The following NOS1 variants were observed in gnomAD, a reference collection of about 807,000 sequenced individuals.
NOS1 encodes the protein nitric oxide synthase 1, also known as NOS type I.
Under a neutral mutation model 164.5 loss-of-function variants are expected in NOS1, and 51 were observed. That is an observed-to-expected ratio of 0.31 (90% CI 0.25 to 0.39). The LOEUF is 0.39. Among genes scored for constraint, NOS1 ranks in the 10% least tolerant of loss-of-function variants. The pLI, the probability that NOS1 is intolerant of heterozygous loss-of-function variation, is 1.00. For synonymous variants in NOS1, 719 were observed against 745.8 expected (o/e 0.96, Z 0.59); for missense variants, 1,362 against 1,885.6 (o/e 0.72, Z 5.14).
chr12:117,247,322 C>T, intron 18 of NOS1, 26 bp downstream of exon 18: 3 of 1,554,468 alleles, frequency 1.9e-6, no homozygotes, highest in East Asian at 2.3e-5. Context: ...TTACTTTTTC[C>T]TGTAGGTCCA....
At chr12:117,348,881 G>A (rs540634583) in intron 1 of NOS1, among the ~76,000 whole-genome samples, 1 of 152,332 alleles carries the variant, frequency 6.6e-6, no homozygotes, top group East Asian at 1.9e-4. Flanking sequence ...AACCGAAACA[G>A]CACAGTAGCG....
intron 26 of NOS1, among the ~76,000 whole-genome samples, chr12:117,221,439 G>A (rs1421933736): frequency 1.3e-5 from 2 of 148,828 alleles, no homozygotes; most frequent in Admixed American, 1.3e-4. Flanking sequence ...ATGTGCCACC[G>A]CGCCCAGCTA....
At chr12:117,343,656 T>C (rs1337574433) in intron 1 of NOS1, among the ~76,000 whole-genome samples, 1 of 152,168 alleles carries the variant, frequency 6.6e-6, no homozygotes, top group African/African-American at 2.4e-5. Context: ...ATAATGACAA[T>C]GTTGAATGTT....
chr12:117,345,449 G>A (rs908888186), intron 1 of NOS1, among the ~76,000 whole-genome samples: 11 of 152,164 alleles, frequency 7.2e-5, no homozygotes, highest in Non-Finnish European at 8.8e-5. Context: ...CCTGAGGATC[G>A]ATAACAGGGT....
rs61594331 is a variant in NOS1, at chr12:117,283,058, T to TA, written c.1382+2182_1382+2183insT. Among the ~76,000 whole-genome samples the TA allele has an allele frequency of 9.7e-3, 291 of 29,886 alleles. 2 individuals are homozygous for TA. The East Asian group carries it at 0.14, about 14-fold the overall frequency. The allele number at this position is 29,886 out of a possible 152,430, so 19.6% of individuals were successfully genotyped here. A position where few individuals can be genotyped will look rare whatever the true frequency, so the allele number is the denominator to read the frequency against. On this transcript the variant is annotated intron_variant, in intron 7 of 28. Coordinates refer to ENST00000317775, the MANE Select transcript of NOS1 (RefSeq NM_000620.5). Reference sequence around the variant, plus strand: ...ACATTATATATATATATATATATATTTTTTTTTTTTTTTTTGAGACAGTCT... The same window carrying TA: ...ACATTATATATATATATATATATATTATTTTTTTTTTTTTTTGAGACAGTCT...
intron 3 of NOS1, among the ~76,000 whole-genome samples, chr12:117,300,856 C>A (rs968812524): frequency 6.6e-6 from 1 of 152,028 alleles, no homozygotes; most frequent in Non-Finnish European, 1.5e-5. Flanking sequence ...TCAAATGCTT[C>A]GAGAGAGACT....
intron 24 of NOS1, 144 bp from the exon 25 acceptor site, chr12:117,225,281 C>T (rs975714302): frequency 1.9e-5 from 21 of 1,089,480 alleles, no homozygotes; most frequent in Middle Eastern, 5.3e-4. Context: ...TGCCCCTTTC[C>T]AGGGTGGGAG....
intron 9 of NOS1, 131 bp downstream of exon 9, chr12:117,277,828 G>A: frequency 1.7e-6 from 2 of 1,144,292 alleles, no homozygotes; most frequent in Non-Finnish European, 1.2e-6. Context: ...GTGAGGACAG[G>A]AACCAAGCCC....
intron 20 of NOS1, among the ~76,000 whole-genome samples, chr12:117,237,519 G>A (rs1054623613): frequency 6.6e-6 from 1 of 152,116 alleles, no homozygotes; most frequent in Admixed American, 6.6e-5. Flanking sequence ...AACAGCAGCA[G>A]CCATTTGGGC....
rs1261171135 is a variant in NOS1, at chr12:117,214,661, TG to T, written c.*647del. 2.0e-6 allele frequency: 2 copies of T among 985,426 alleles called. No homozygotes were observed. The highest frequency in any genetic ancestry group is 3.5e-5 in the African/African-American group (2 of 57,348). The allele number at this position is 985,426 out of a possible 1,614,324, so 61.0% of individuals were successfully genotyped here. On this transcript the variant is annotated 3_prime_UTR_variant, in exon 29 of 29. Coordinates refer to ENST00000317775, the MANE Select transcript of NOS1 (RefSeq NM_000620.5). ...GAACCCTTTCTAACTAGAACAATTA[TG>T]GGGCTTCCAAATGTTTCAGGTACAT...
At chr12:117,320,841 A>G (rs1355480425) in intron 2 of NOS1, among the ~76,000 whole-genome samples, 1 of 152,058 alleles carries the variant, frequency 6.6e-6, no homozygotes, top group Non-Finnish European at 1.5e-5. Context: ...CCTTCCCTAG[A>G]TGTCACATGG....
Position 117,208,366 on chromosome 12 carries a change from G to C in NOS1, c.*6943C>G, listed in dbSNP as rs898217343. On this transcript the variant is annotated 3_prime_UTR_variant, in exon 29 of 29. Coordinates refer to ENST00000317775, the MANE Select transcript of NOS1 (RefSeq NM_000620.5). ...TAGCAGCATTGAGAGCTCAGAGGTA[G>C]GGGGGACGGCCGAGTTTCTGACAGC... The C allele has an allele frequency of 7.9e-7, 1 of 1,270,688 alleles. No individual in the cohort carries two copies. 78.7% of individuals were successfully genotyped at this position (1,270,688 alleles called of 1,614,324 possible).
intron 4 of NOS1, among the ~76,000 whole-genome samples, chr12:117,289,704 G>C (rs1007000849): frequency 1.4e-4 from 21 of 152,164 alleles, no homozygotes; most frequent in African/African-American, 4.8e-4. Flanking sequence ...AAGGGTTTAG[G>C]GTGGTAGAGC....
chr12:117,269,552 C>T lies in NOS1; in HGVS notation c.1840-1408G>A, dbSNP rs775005868. 3.4e-5 allele frequency among the ~76,000 whole-genome samples: 5 copies of T among 149,100 alleles called. 1 individual carries two copies. Among genetic ancestry groups the T allele is most frequent in the South Asian group, 4.3e-4 (2 of 4,690 alleles). ...CGTGATCTCGGCTCACTGCAACCTC[C>T]GCTTCCTGGGTTTAAGTGATTCTCC... On this transcript the variant is annotated intron_variant, in intron 10 of 28. Transcript: ENST00000317775.
chr12:117,303,719 C>T (rs1873974159), intron 3 of NOS1, among the ~76,000 whole-genome samples: 1 of 152,110 alleles, frequency 6.6e-6, no homozygotes, highest in African/African-American at 2.4e-5. Context: ...CTTAGGAAGG[C>T]AAACCAGACA....
intron 25 of NOS1, 71 bp downstream of exon 25, chr12:117,224,945 G>A: frequency 6.3e-7 from 1 of 1,598,768 alleles, no homozygotes. Flanking sequence ...GTTCTCTAGG[G>A]CTGCTGAGAC....
chr12:117,267,587 C>CAA (rs59643665), intron 11 of NOS1, among the ~76,000 whole-genome samples: 1 of 139,536 alleles, frequency 7.2e-6, no homozygotes, highest in African/African-American at 2.6e-5. Context: ...AACTCCATCT[C>CAA]AAAAAAAAAA....
At chr12:117,301,630 T>G (rs1873818953) in intron 3 of NOS1, among the ~76,000 whole-genome samples, 1 of 152,120 alleles carries the variant, frequency 6.6e-6, no homozygotes, top group African/African-American at 2.4e-5. Context: ...GCCCTCAAAG[T>G]TCCCCTCTTT....
chr12:117,311,194 G>C (rs140567242), intron 3 of NOS1, among the ~76,000 whole-genome samples: 1 of 151,912 alleles, frequency 6.6e-6, no homozygotes, highest in Non-Finnish European at 1.5e-5. Flanking sequence ...TTTTAAATTT[G>C]GAATCATGTG....
Sources: gnomAD v4.1 joint callset for allele counts (sites outside exome capture counted in the v4.1 genomes callset) on GRCh38, gnomAD v4.1.1 for gene constraint, MANE v1.5 for transcripts, NCBI Gene and HGNC (gene_info 2026-07-23, HGNC 2026-07-21) for gene names.